Variants in MLIP observed in about 807,000 individuals in gnomAD.
The protein encoded by MLIP is muscular LMNA interacting protein.
In MLIP, 79 loss-of-function variants were observed where a neutral mutation model predicts 84.8. The ratio of observed to expected loss-of-function variants is 0.93; its 90% CI spans 0.78 to 1.12. MLIP has a LOEUF of 1.12. MLIP is among the 50% of genes most tolerant of loss of function. MLIP has a pLI of 0.00. For missense variants in MLIP, 1,257 were observed against 1,160.6 expected (o/e 1.08, Z -1.21); for synonymous variants, 504 against 463.0 (o/e 1.09, Z -1.14).
At chr6:54,256,270 G>T (rs779252222) in intron 12 of MLIP, among the ~76,000 whole-genome samples, 1 of 152,110 alleles carries the variant, frequency 6.6e-6, no homozygotes, top group Non-Finnish European at 1.5e-5. Context: ...ATGTCAGGTG[G>T]AGACCTCCTT....
chr6:54,217,569 T>A, intron 11 of MLIP: 1 of 984,234 alleles, frequency 1.0e-6, no homozygotes, highest in Non-Finnish European at 1.2e-6. Context: ...GCTTCATAAG[T>A]TCCTGTCTTC....
chr6:54,079,228 C>T (rs35778106), intron 1 of MLIP, among the ~76,000 whole-genome samples: 14,701 of 152,028 alleles, frequency 0.097, 1,025 homozygotes, highest in African/African-American at 0.2. Flanking sequence ...AATGCAAGTG[C>T]CTCTAGTTAG....
chr6:54,126,662 A>C (rs1318911283), intron 3 of MLIP, among the ~76,000 whole-genome samples: 1 of 152,162 alleles, frequency 6.6e-6, no homozygotes, highest in Non-Finnish European at 1.5e-5. Context: ...GTGTAAACTA[A>C]GGAGAAATGA....
At chr6:54,239,421 AAACATTATAT>A (rs1472434028) in intron 12 of MLIP, among the ~76,000 whole-genome samples, 1 of 145,894 alleles carries the variant, frequency 6.9e-6, no homozygotes, top group Non-Finnish European at 1.5e-5. Flanking sequence ...ATATGAATAG[AAACATTATAT>A]ATGTATACAA....
At chr6:54,221,562 T>C (rs1005904578) in intron 11 of MLIP, among the ~76,000 whole-genome samples, 2 of 151,894 alleles carry the variant, frequency 1.3e-5, no homozygotes, top group African/African-American at 4.8e-5. Flanking sequence ...TGCTAAAAGA[T>C]GGCATTTACA....
chr6:54,179,983 C>CTGA (rs949983529), intron 9 of MLIP, among the ~76,000 whole-genome samples: 1 of 152,132 alleles, frequency 6.6e-6, no homozygotes, highest in African/African-American at 2.4e-5. Flanking sequence ...GTAGACAGGT[C>CTGA]TGATGTTAAT....
chr6:54,032,991 T>A (rs1371486867), intron 1 of MLIP, among the ~76,000 whole-genome samples: 2 of 152,234 alleles, frequency 1.3e-5, no homozygotes, highest in African/African-American at 4.8e-5. Flanking sequence ...ATAGGACAAC[T>A]ATTGATGTTT....
chr6:54,232,706 A>T (rs1468746608), intron 12 of MLIP, among the ~76,000 whole-genome samples: 1 of 152,214 alleles, frequency 6.6e-6, no homozygotes, highest in African/African-American at 2.4e-5. Context: ...TTTACTTGAA[A>T]TAACTTAATG....
chr6:54,197,608 A>G (rs1314703243), intron 10 of MLIP, among the ~76,000 whole-genome samples: 1 of 151,976 alleles, frequency 6.6e-6, no homozygotes, highest in African/African-American at 2.4e-5. Context: ...GCTGGCTATG[A>G]GAGTCATTAC....
At chr6:54,160,684 G>C (rs1456405116) in intron 7 of MLIP, 56 bp from the exon 8 acceptor site, 13 of 1,507,372 alleles carry the variant, frequency 8.6e-6, no homozygotes, top group Middle Eastern at 3.4e-4. Context: ...TGCCTCACAG[G>C]CTTGTCCTTT....
chr6:54,165,647 G>A (rs1225875520), intron 8 of MLIP, among the ~76,000 whole-genome samples: 3 of 151,948 alleles, frequency 2.0e-5, no homozygotes, highest in Admixed American at 2.0e-4. Context: ...GTGAGGTCAA[G>A]AAAGAACTTT....
intron 4 of MLIP, among the ~76,000 whole-genome samples, chr6:54,148,561 A>G (rs1015902308): frequency 6.6e-6 from 1 of 152,210 alleles, no homozygotes; most frequent in Non-Finnish European, 1.5e-5. Context: ...CTTGTATAAA[A>G]AATGGCTGCT....
At chr6:54,080,149 CT>C (rs1767043765) in intron 1 of MLIP, among the ~76,000 whole-genome samples, 1 of 152,146 alleles carries the variant, frequency 6.6e-6, no homozygotes, top group Non-Finnish European at 1.5e-5. Context: ...TCCCTCCTCT[CT>C]TCATTCAACA....
chr6:54,259,574 T>C (rs1266911102), intron 13 of MLIP, among the ~76,000 whole-genome samples: 4 of 151,892 alleles, frequency 2.6e-5, no homozygotes, highest in Non-Finnish European at 4.4e-5. Context: ...ACTTGCATTT[T>C]TTCACACCAA....
At chr6:54,129,332 A>T (rs1222298308) in intron 3 of MLIP, among the ~76,000 whole-genome samples, 3 of 152,146 alleles carry the variant, frequency 2.0e-5, no homozygotes, top group Admixed American at 6.6e-5. Context: ...TTGACAAAAA[A>T]TATTTTTCTC....
intron 9 of MLIP, among the ~76,000 whole-genome samples, chr6:54,175,839 C>T (rs761798454): frequency 1.1e-4 from 16 of 152,102 alleles, no homozygotes; most frequent in Non-Finnish European, 2.1e-4. Context: ...TTCAGGTTTT[C>T]CTCATTCTGT....
At position 54,215,549 on chromosome 6, in the gene MLIP, T is replaced by C. The variant is rs369586083; in HGVS notation, c.2718+13316T>C. On this transcript the variant is annotated intron_variant, in intron 11 of 13. Transcript: ENST00000502396. ...TTTGATGTATGTGTACATTGTATAA[T>C]GATTACCACAGTTAAATTAATCAAT... 6.6e-5 allele frequency: 18 copies of C among 274,288 alleles called. No individual in the cohort carries two copies. In the South Asian group the frequency reaches 2.1e-3, roughly 32 times the overall value. 17.0% of individuals were successfully genotyped at this position (274,288 alleles called of 1,614,324 possible). A position where few individuals can be genotyped will look rare whatever the true frequency, so the allele number is the denominator to read the frequency against.
At chr6:54,220,871 G>A (rs1282724339) in intron 11 of MLIP, among the ~76,000 whole-genome samples, 1 of 151,984 alleles carries the variant, frequency 6.6e-6, no homozygotes, top group Admixed American at 6.6e-5. Flanking sequence ...TGTACTATGA[G>A]GTTGCAGTTA....
intron 1 of MLIP, among the ~76,000 whole-genome samples, chr6:54,034,933 C>G (rs1764342321): frequency 6.6e-6 from 1 of 152,006 alleles, no homozygotes; most frequent in African/African-American, 2.4e-5. Context: ...ATCTTTTATA[C>G]TATATTTTTA....
Sources: allele counts gnomAD v4.1 joint callset (sites outside exome capture counted in the v4.1 genomes callset), GRCh38; gene constraint gnomAD v4.1.1; transcripts MANE v1.5; gene names NCBI Gene and HGNC (gene_info 2026-07-23, HGNC 2026-07-21).